The following LRRC4C variants were observed in gnomAD, a reference collection of about 807,000 sequenced individuals.
LRRC4C encodes the protein leucine-rich repeat-containing protein 4C.
In LRRC4C, 5 loss-of-function variants were observed where a neutral mutation model predicts 33.6. That is an observed-to-expected ratio of 0.15 (90% CI 0.08 to 0.31). The LOEUF (loss-of-function observed/expected upper bound fraction) is 0.31. Ranked by LOEUF, LRRC4C falls within the 10% of genes least tolerant of loss-of-function variation. LRRC4C has a pLI of 1.00. For missense variants in LRRC4C, 560 were observed against 796.7 expected (o/e 0.70, Z 3.58); for synonymous variants, 329 against 302.0 (o/e 1.09, Z -0.93).
At chr11:41,018,127 T>A (rs897914233) in intron 1 of LRRC4C, among the ~76,000 whole-genome samples, 2 of 152,160 alleles carry the variant, frequency 1.3e-5, no homozygotes, top group Non-Finnish European at 2.9e-5. Context: ...CCATTAAGAC[T>A]GCAAATTTAA....
chr11:40,797,479 G>A (rs147071224), intron 2 of LRRC4C, among the ~76,000 whole-genome samples: 45 of 152,204 alleles, frequency 3.0e-4, no homozygotes, highest in African/African-American at 9.9e-4. Context: ...TACAGAATAC[G>A]AGAGTCTTAA....
intron 1 of LRRC4C, among the ~76,000 whole-genome samples, chr11:41,120,250 A>G (rs2135756318): frequency 6.6e-6 from 1 of 152,258 alleles, no homozygotes; most frequent in African/African-American, 2.4e-5. Context: ...GTAAATTCAA[A>G]TTTTCTTTTC....
At chr11:40,436,185 A>G (rs1004252011) in intron 3 of LRRC4C, among the ~76,000 whole-genome samples, 10 of 152,206 alleles carry the variant, frequency 6.6e-5, no homozygotes, top group African/African-American at 2.4e-4. Context: ...TCTAGCTTGC[A>G]TTACTAACAT....
At chr11:41,454,233 CT>C (rs956840293) in intron 1 of LRRC4C, among the ~76,000 whole-genome samples, 3 of 152,044 alleles carry the variant, frequency 2.0e-5, no homozygotes, top group African/African-American at 7.2e-5. Context: ...AAGAACAAGG[CT>C]TTTTACATCT....
intron 5 of LRRC4C, among the ~76,000 whole-genome samples, chr11:40,208,948 CGTGTGTGT>C (rs58767227): frequency 1.8e-4 from 26 of 146,738 alleles, no homozygotes; most frequent in South Asian, 1.1e-3. Context: ...CTTTTGTGCA[CGTGTGTGT>C]GTGTGTGTGT....
chr11:41,210,550 G>A (rs1946781436), intron 1 of LRRC4C, among the ~76,000 whole-genome samples: 1 of 152,056 alleles, frequency 6.6e-6, no homozygotes, highest in South Asian at 2.1e-4. Flanking sequence ...TTTATCAACA[G>A]CATGAAAATG....
chr11:40,440,714 G>T (rs1482173933), intron 3 of LRRC4C, among the ~76,000 whole-genome samples: 1 of 152,084 alleles, frequency 6.6e-6, no homozygotes, highest in Non-Finnish European at 1.5e-5. Context: ...CTCTTGTGGT[G>T]ATCTGAAAAC....
intron 3 of LRRC4C, among the ~76,000 whole-genome samples, chr11:40,326,144 T>C (rs1316896116): frequency 6.6e-6 from 1 of 152,124 alleles, no homozygotes; most frequent in African/African-American, 2.4e-5. Context: ...TGAAAGCATA[T>C]TTGTCTAATA....
chr11:40,791,848 A>T (rs1950633965), intron 2 of LRRC4C, among the ~76,000 whole-genome samples: 1 of 152,178 alleles, frequency 6.6e-6, no homozygotes, highest in Non-Finnish European at 1.5e-5. Flanking sequence ...TTTGTTTTTT[A>T]GAATATTTAA....
At chr11:40,625,001 A>C (rs771072391) in intron 3 of LRRC4C, among the ~76,000 whole-genome samples, 4 of 152,184 alleles carry the variant, frequency 2.6e-5, no homozygotes, top group Non-Finnish European at 5.9e-5. Context: ...AATAGCATTC[A>C]TCAGAGTCCA....
At chr11:41,010,835 T>C (rs1332210066) in intron 1 of LRRC4C, among the ~76,000 whole-genome samples, 1 of 152,110 alleles carries the variant, frequency 6.6e-6, no homozygotes, top group Non-Finnish European at 1.5e-5. Flanking sequence ...ATATTGCAAA[T>C]TCAGTAACAG....
chr11:40,849,647 G>A (rs1953380568), intron 2 of LRRC4C, among the ~76,000 whole-genome samples: 1 of 152,094 alleles, frequency 6.6e-6, no homozygotes, highest in East Asian at 1.9e-4. Flanking sequence ...GAGTATCTTT[G>A]TGGTGTTCTC....
intron 5 of LRRC4C, among the ~76,000 whole-genome samples, chr11:40,195,486 G>A (rs1240678637): frequency 1.3e-5 from 2 of 152,124 alleles, no homozygotes; most frequent in Non-Finnish European, 2.9e-5. Context: ...AAGATTTCTT[G>A]TCAGGGGCAA....
intron 3 of LRRC4C, among the ~76,000 whole-genome samples, chr11:40,367,492 AT>A (rs1219230615): frequency 2.6e-5 from 4 of 151,920 alleles, no homozygotes; most frequent in Non-Finnish European, 4.4e-5. Flanking sequence ...TTTCTGTCTT[AT>A]TTTTTTCACA....
intron 1 of LRRC4C, among the ~76,000 whole-genome samples, chr11:41,279,890 T>C (rs1277791723): frequency 6.6e-6 from 1 of 151,606 alleles, no homozygotes; most frequent in Admixed American, 6.6e-5. Flanking sequence ...CACTATTATA[T>C]TATTGAATTA....
intron 1 of LRRC4C, among the ~76,000 whole-genome samples, chr11:41,438,476 G>A (rs915929552): frequency 6.6e-6 from 1 of 152,164 alleles, no homozygotes; most frequent in Admixed American, 6.5e-5. Context: ...CAGTTAGTAT[G>A]AGCAGAGAAA....
At chr11:41,404,855 T>C (rs970366911) in intron 1 of LRRC4C, among the ~76,000 whole-genome samples, 3 of 152,122 alleles carry the variant, frequency 2.0e-5, no homozygotes, top group African/African-American at 7.2e-5. Context: ...ATAGAACTGG[T>C]AGTTTCACTG....
chr11:41,045,230 T>C, intron 1 of LRRC4C, among the ~76,000 whole-genome samples: 1 of 152,028 alleles, frequency 6.6e-6, no homozygotes, highest in East Asian at 1.9e-4. Context: ...ATTTTTTTCA[T>C]GTTGTTGGTG....
chr11:40,986,353 T>A (rs1852994422), intron 1 of LRRC4C, among the ~76,000 whole-genome samples: 1 of 152,118 alleles, frequency 6.6e-6, no homozygotes, highest in Non-Finnish European at 1.5e-5. Flanking sequence ...ATCTCAACAC[T>A]TTTGGAGGCC....
Sources: allele counts gnomAD v4.1 joint callset (sites outside exome capture counted in the v4.1 genomes callset), GRCh38; gene constraint gnomAD v4.1.1; transcripts MANE v1.5; gene names NCBI Gene and HGNC (gene_info 2026-07-23, HGNC 2026-07-21).